Variants in LRRTM4 observed in about 807,000 individuals in gnomAD.
LRRTM4 encodes leucine-rich repeat transmembrane neuronal protein 4.
In LRRTM4, 25 loss-of-function variants were observed where a neutral mutation model predicts 47.6. The ratio of observed to expected loss-of-function variants is 0.53; its 90% CI spans 0.38 to 0.73. The LOEUF is 0.73. Among genes scored for constraint, LRRTM4 ranks in the 30% least tolerant of loss-of-function variants. LRRTM4 has a pLI of 0.00. For missense variants in LRRTM4, 638 were observed against 713.4 expected (o/e 0.89, Z 1.20); for synonymous variants, 311 against 269.5 (o/e 1.15, Z -1.51).
intron 3 of LRRTM4, among the ~76,000 whole-genome samples, chr2:77,151,141 G>T (rs1478310943): frequency 6.6e-6 from 1 of 151,728 alleles, no homozygotes; most frequent in African/African-American, 2.4e-5. Context: ...GTGTGTGTGT[G>T]TATGTATGTG....
intron 3 of LRRTM4, among the ~76,000 whole-genome samples, chr2:77,198,261 C>T (rs996150902): frequency 3.9e-5 from 6 of 152,124 alleles, no homozygotes; most frequent in Admixed American, 2.0e-4. Context: ...CTGACCTGGG[C>T]GTGACACATG....
intron 3 of LRRTM4, among the ~76,000 whole-genome samples, chr2:76,938,555 A>G (rs1225208822): frequency 6.6e-6 from 1 of 152,130 alleles, no homozygotes; most frequent in Non-Finnish European, 1.5e-5. Context: ...GCATATATGA[A>G]TTAATGAGCT....
At chr2:76,951,793 C>T (rs562195781) in intron 3 of LRRTM4, among the ~76,000 whole-genome samples, 2 of 151,922 alleles carry the variant, frequency 1.3e-5, no homozygotes, top group East Asian at 3.9e-4. Context: ...CTCCCCTCCC[C>T]CTGACAGGCC....
intron 3 of LRRTM4, among the ~76,000 whole-genome samples, chr2:77,067,957 T>A (rs1167367160): frequency 2.0e-5 from 3 of 152,096 alleles, no homozygotes; most frequent in Admixed American, 2.0e-4. Context: ...ATAAAATAAA[T>A]TGAAAGTAAA....
At chr2:77,429,028 T>G (rs1260295132) in intron 3 of LRRTM4, among the ~76,000 whole-genome samples, 2 of 152,222 alleles carry the variant, frequency 1.3e-5, no homozygotes, top group African/African-American at 4.8e-5. Flanking sequence ...GGTTTGACAG[T>G]AATTTCATTT....
At chr2:77,075,742 C>T (rs1250386920) in intron 3 of LRRTM4, among the ~76,000 whole-genome samples, 1 of 150,040 alleles carries the variant, frequency 6.7e-6, no homozygotes, top group Non-Finnish European at 1.5e-5. Flanking sequence ...GGTGAAACCC[C>T]GTCTCTACTA....
At chr2:77,325,161 T>C (rs891043140) in intron 3 of LRRTM4, among the ~76,000 whole-genome samples, 3 of 152,076 alleles carry the variant, frequency 2.0e-5, no homozygotes, top group Admixed American at 2.0e-4. Flanking sequence ...CAGACAATAA[T>C]GAAATCGCCA....
intron 3 of LRRTM4, among the ~76,000 whole-genome samples, chr2:77,121,955 T>C (rs1671531829): frequency 6.6e-6 from 1 of 151,902 alleles, no homozygotes; most frequent in South Asian, 2.1e-4. Context: ...TTTGCAGAAA[T>C]TTATAATATC....
intron 3 of LRRTM4, among the ~76,000 whole-genome samples, chr2:77,304,513 T>C (rs975018609): frequency 1.3e-5 from 2 of 150,592 alleles, no homozygotes; most frequent in Non-Finnish European, 2.9e-5. Flanking sequence ...TGAGAATAAA[T>C]GGAAAAAAAA....
At chr2:77,273,782 C>A (rs958532972) in intron 3 of LRRTM4, among the ~76,000 whole-genome samples, 3 of 152,092 alleles carry the variant, frequency 2.0e-5, no homozygotes, top group Non-Finnish European at 4.4e-5. Flanking sequence ...GAAACAGACA[C>A]AACTAGTAAG....
intron 3 of LRRTM4, among the ~76,000 whole-genome samples, chr2:77,296,667 T>C (rs1676982576): frequency 6.6e-6 from 1 of 152,180 alleles, no homozygotes; most frequent in East Asian, 1.9e-4. Flanking sequence ...AATAACAACA[T>C]CATCATTTTT....
chr2:77,069,216 G>A (rs1162491887), intron 3 of LRRTM4, among the ~76,000 whole-genome samples: 1 of 151,992 alleles, frequency 6.6e-6, no homozygotes, highest in Non-Finnish European at 1.5e-5. Context: ...CTGGGTTAGG[G>A]TCTCCCCGAC....
chr2:77,249,085 C>T (rs550694044), intron 3 of LRRTM4, among the ~76,000 whole-genome samples: 14 of 152,198 alleles, frequency 9.2e-5, no homozygotes, highest in African/African-American at 2.4e-4. Flanking sequence ...CGCGGTGGCT[C>T]ATGACTTTAA....
chr2:77,002,908 A>T (rs1383012074), intron 3 of LRRTM4, among the ~76,000 whole-genome samples: 1 of 152,080 alleles, frequency 6.6e-6, no homozygotes, highest in Non-Finnish European at 1.5e-5. Flanking sequence ...ATTTTAATTT[A>T]TTCTATTCAT....
chr2:76,760,645 C>A (rs1268318261), intron 3 of LRRTM4, among the ~76,000 whole-genome samples: 1 of 152,052 alleles, frequency 6.6e-6, no homozygotes, highest in Non-Finnish European at 1.5e-5. Context: ...AATTCACCCA[C>A]AACTTGCCCT....
At chr2:77,135,567 T>G (rs1190064014) in intron 3 of LRRTM4, among the ~76,000 whole-genome samples, 1 of 152,206 alleles carries the variant, frequency 6.6e-6, no homozygotes, top group African/African-American at 2.4e-5. Flanking sequence ...GTAAATGCAA[T>G]ATTTACTTAT....
chr2:77,247,802 A>G (rs1239890516), intron 3 of LRRTM4, among the ~76,000 whole-genome samples: 1 of 152,030 alleles, frequency 6.6e-6, no homozygotes, highest in East Asian at 1.9e-4. Flanking sequence ...GAAGTTTCAC[A>G]TAAAAATAGA....
At chr2:76,777,360 T>C (rs1433469399) in intron 3 of LRRTM4, among the ~76,000 whole-genome samples, 1 of 142,726 alleles carries the variant, frequency 7.0e-6, no homozygotes, top group Non-Finnish European at 1.5e-5. Flanking sequence ...AGTATGGCCA[T>C]TTTCACGATA....
intron 3 of LRRTM4, among the ~76,000 whole-genome samples, chr2:77,316,220 A>G (rs1677613910): frequency 6.6e-6 from 1 of 152,192 alleles, no homozygotes; most frequent in South Asian, 2.1e-4. Flanking sequence ...AACACCTCCC[A>G]AGTACAGCAG....
Sources: gnomAD v4.1 joint callset for allele counts (sites outside exome capture counted in the v4.1 genomes callset) on GRCh38, gnomAD v4.1.1 for gene constraint, MANE v1.5 for transcripts, NCBI Gene and HGNC (gene_info 2026-07-23, HGNC 2026-07-21) for gene names.